The following KLHL1 variants were observed in gnomAD, a reference collection of about 807,000 sequenced individuals.
The protein encoded by KLHL1 is kelch like family member 1.
Under a neutral mutation model 77.7 loss-of-function variants are expected in KLHL1, and 47 were observed. The observed-to-expected ratio is 0.60, with a 90% CI of 0.48 to 0.77. The LOEUF is 0.77. KLHL1 is among the 30% of genes least tolerant of loss of function. The pLI is 0.00. For missense variants in KLHL1, 925 were observed against 910.8 expected (o/e 1.02, Z -0.20); for synonymous variants, 360 against 325.2 (o/e 1.11, Z -1.15).
At chr13:70,103,033 A>C (rs1162321311) in intron 1 of KLHL1, among the ~76,000 whole-genome samples, 2 of 152,148 alleles carry the variant, frequency 1.3e-5, no homozygotes, top group Non-Finnish European at 2.9e-5. Context: ...TTTTTTTAAA[A>C]AGTAGAGAAC....
chr13:69,776,004 A>T (rs1875810732), intron 7 of KLHL1, among the ~76,000 whole-genome samples: 1 of 151,534 alleles, frequency 6.6e-6, no homozygotes. Flanking sequence ...ACAAAAAAAA[A>T]AACTAGCTTG....
intron 5 of KLHL1, among the ~76,000 whole-genome samples, chr13:69,872,521 G>A (rs550884713): frequency 2.6e-5 from 4 of 152,040 alleles, no homozygotes; most frequent in Admixed American, 6.6e-5. Context: ...ATGTGCCAGC[G>A]TGATGACTCA....
At chr13:70,026,041 A>C (rs1885932581) in intron 1 of KLHL1, among the ~76,000 whole-genome samples, 1 of 152,138 alleles carries the variant, frequency 6.6e-6, no homozygotes, top group South Asian at 2.1e-4. Flanking sequence ...TGCTCACTGC[A>C]GGGACATCCT....
chr13:69,995,923 T>C (rs746006348), intron 1 of KLHL1, among the ~76,000 whole-genome samples: 2 of 152,158 alleles, frequency 1.3e-5, no homozygotes, highest in South Asian at 2.1e-4. Flanking sequence ...AATGTGTCAA[T>C]TGAACTATCA....
At chr13:70,032,378 G>T (rs1352423221) in intron 1 of KLHL1, among the ~76,000 whole-genome samples, 1 of 152,098 alleles carries the variant, frequency 6.6e-6, no homozygotes, top group Non-Finnish European at 1.5e-5. Flanking sequence ...CTTAGATTTT[G>T]ACAATATTCT....
chr13:69,853,975 TA>T (rs149595509), intron 5 of KLHL1, among the ~76,000 whole-genome samples: 6,391 of 152,100 alleles, frequency 0.042, 236 homozygotes, highest in African/African-American at 0.095. Flanking sequence ...CATAGATTTA[TA>T]AAACCTATTC....
intron 6 of KLHL1, among the ~76,000 whole-genome samples, chr13:69,806,846 G>A (rs1566275860): frequency 6.6e-6 from 1 of 152,168 alleles, no homozygotes; most frequent in Non-Finnish European, 1.5e-5. Flanking sequence ...ATAGCCACTT[G>A]CAATGATCCA....
chr13:70,067,768 G>C (rs1887044521), intron 1 of KLHL1, among the ~76,000 whole-genome samples: 1 of 152,174 alleles, frequency 6.6e-6, no homozygotes, highest in East Asian at 1.9e-4. Context: ...CTGATAATGA[G>C]ACCAGTGAGA....
chr13:70,030,438 C>T (rs2501199), intron 1 of KLHL1, among the ~76,000 whole-genome samples: 93,088 of 151,884 alleles, frequency 0.61, 30,026 homozygotes, highest in East Asian at 0.81. Flanking sequence ...GATTAAGAAA[C>T]TCACTCAAAA....
intron 10 of KLHL1, among the ~76,000 whole-genome samples, chr13:69,705,400 GT>G (rs958411524): frequency 1.8e-4 from 28 of 151,436 alleles, no homozygotes; most frequent in Non-Finnish European, 5.9e-5. Flanking sequence ...GCTAAACTGA[GT>G]TTTTTTCCAA....
At chr13:70,001,589 A>G (rs1290255792) in intron 1 of KLHL1, among the ~76,000 whole-genome samples, 4 of 150,338 alleles carry the variant, frequency 2.7e-5, no homozygotes, top group Middle Eastern at 4.2e-3. Context: ...GTGTCTATCT[A>G]TCTATCTATC....
intron 6 of KLHL1, among the ~76,000 whole-genome samples, chr13:69,804,012 G>A (rs1877504259): frequency 6.6e-6 from 1 of 152,144 alleles, no homozygotes; most frequent in South Asian, 2.1e-4. Context: ...GGTAATAGAT[G>A]GCAGTTGTTT....
At chr13:69,702,824 G>A (rs1043897971) in intron 10 of KLHL1, among the ~76,000 whole-genome samples, 2 of 151,614 alleles carry the variant, frequency 1.3e-5, no homozygotes, top group African/African-American at 4.8e-5. Context: ...ATGAGAGTAG[G>A]GAAGGAGCAT....
intron 1 of KLHL1, among the ~76,000 whole-genome samples, chr13:70,075,998 AAG>A (rs1368731372): frequency 1.3e-5 from 2 of 151,676 alleles, no homozygotes; most frequent in Admixed American, 1.3e-4. Context: ...GCTCTAAATA[AAG>A]AGAGATATTC....
chr13:70,064,075 G>A (rs17086301), intron 1 of KLHL1, among the ~76,000 whole-genome samples: 6,673 of 151,996 alleles, frequency 0.044, 487 homozygotes, highest in African/African-American at 0.15. Context: ...GTTAGAGGAC[G>A]GATTAATGGA....
At chr13:69,979,057 T>G (rs1353741149) in intron 1 of KLHL1, among the ~76,000 whole-genome samples, 1 of 152,136 alleles carries the variant, frequency 6.6e-6, no homozygotes, top group African/African-American at 2.4e-5. Context: ...TTCTTTTATC[T>G]AATCTAGTTA....
At chr13:70,080,373 T>G (rs1887365122) in intron 1 of KLHL1, among the ~76,000 whole-genome samples, 1 of 152,140 alleles carries the variant, frequency 6.6e-6, no homozygotes, top group Admixed American at 6.5e-5. Flanking sequence ...GTATGATAAT[T>G]AGAGGAACGA....
chr13:70,057,767 A>G, intron 1 of KLHL1, among the ~76,000 whole-genome samples: 1 of 119,868 alleles, frequency 8.3e-6, no homozygotes, highest in African/African-American at 3.0e-5. Flanking sequence ...TGGGCGACAG[A>G]GCGAGACTCC....
chr13:69,958,180 G>T (rs1249569108), intron 3 of KLHL1, among the ~76,000 whole-genome samples: 1 of 151,088 alleles, frequency 6.6e-6, no homozygotes, highest in Non-Finnish European at 1.5e-5. Flanking sequence ...AACTTCTTGT[G>T]AACTGTTATC....
Sources: allele counts gnomAD v4.1 joint callset (sites outside exome capture counted in the v4.1 genomes callset), GRCh38; gene constraint gnomAD v4.1.1; transcripts MANE v1.5; gene names NCBI Gene and HGNC (gene_info 2026-07-23, HGNC 2026-07-21).